NAA25: variants seen among roughly 807,000 people sequenced by gnomAD.
NAA25 encodes the protein N-terminal acetyltransferase B complex subunit NAA25.
In NAA25, 30 loss-of-function variants were observed where a neutral mutation model predicts 132.5. The ratio of observed to expected loss-of-function variants is 0.23; its 90% confidence interval spans 0.17 to 0.31. The LOEUF is 0.31. NAA25 is among the 10% of genes least tolerant of loss of function. The pLI, the probability that NAA25 is intolerant of heterozygous loss-of-function variation, is 1.00. For synonymous variants in NAA25, 359 were observed against 401.9 expected (o/e 0.89, Z 1.28); for missense variants, 771 against 1,150.4 (o/e 0.67, Z 4.77).
At chr12:112,107,090 T>C (rs1366149811) in intron 1 of NAA25, among the ~76,000 whole-genome samples, 1 of 151,230 alleles carries the variant, frequency 6.6e-6, no homozygotes, top group East Asian at 1.9e-4. Context: ...TAAACTCCTG[T>C]CTCTACTAAA....
At chr12:112,060,860 A>G (rs762309359) in intron 12 of NAA25, among the ~76,000 whole-genome samples, 5 of 152,202 alleles carry the variant, frequency 3.3e-5, no homozygotes, top group Admixed American at 3.3e-4. Flanking sequence ...GTTCACTTAC[A>G]GTCTATATAT....
At chr12:112,037,187 A>G (rs893308717) in intron 22 of NAA25, among the ~76,000 whole-genome samples, 1 of 150,896 alleles carries the variant, frequency 6.6e-6, no homozygotes, top group African/African-American at 2.4e-5. Context: ...GAGCATCCAA[A>G]TGAAAATTAT....
intron 7 of NAA25, 75 bp from the exon 8 acceptor site, chr12:112,075,864 A>G (rs1447745361): frequency 1.7e-6 from 2 of 1,170,870 alleles, no homozygotes; most frequent in East Asian, 2.4e-5. Flanking sequence ...TCCAACCACA[A>G]GAAGGAAAAT....
At chr12:112,099,421 T>C (rs537364151) in intron 1 of NAA25, among the ~76,000 whole-genome samples, 47 of 152,104 alleles carry the variant, frequency 3.1e-4, no homozygotes, top group Non-Finnish European at 5.6e-4. Context: ...ATACAAGTTT[T>C]CCACTCATAG....
intron 1 of NAA25, among the ~76,000 whole-genome samples, chr12:112,099,697 G>A (rs2079264481): frequency 1.3e-5 from 2 of 152,150 alleles, no homozygotes; most frequent in African/African-American, 4.8e-5. Flanking sequence ...CTGGACACAT[G>A]CAGGCCTGCT....
intron 7 of NAA25, 77 bp downstream of exon 7, chr12:112,078,111 G>A (rs1347203631): frequency 1.6e-5 from 17 of 1,030,752 alleles, no homozygotes; most frequent in Non-Finnish European, 2.5e-5. Flanking sequence ...ATCCTTATGT[G>A]GAAATTTTCT....
intron 1 of NAA25, among the ~76,000 whole-genome samples, chr12:112,093,919 A>T (rs1359301346): frequency 6.6e-6 from 1 of 152,038 alleles, no homozygotes. Context: ...ATTTTTTTCA[A>T]CAAATAAAAA....
intron 10 of NAA25, among the ~76,000 whole-genome samples, chr12:112,071,256 G>A (rs11066146): frequency 0.21 from 31,627 of 151,638 alleles, 5,150 homozygotes; most frequent in East Asian, 0.84. Context: ...CCTGAGCTCA[G>A]GTGTTCCGCC....
chr12:112,106,456 T>C (rs1234514669), intron 1 of NAA25, among the ~76,000 whole-genome samples: 4 of 151,988 alleles, frequency 2.6e-5, no homozygotes, highest in East Asian at 1.9e-4. Flanking sequence ...CTATGAACCC[T>C]GGATTCAGTT....
Position 112,029,613 on chromosome 12 carries a change from T to G in NAA25, c.2837A>C (p.Gln946Pro). 1 of 1,613,994 alleles carries G rather than the reference T, an allele frequency of 6.2e-7. No individual in the cohort carries two copies. Among genetic ancestry groups the G allele is most frequent in the Non-Finnish European group, 8.5e-7 (1 of 1,179,942 alleles). Reference protein sequence around the residue: ...KFSKTVQGKVQSSYLHSLLEM... With the variant: ...KFSKTVQGKVPSSYLHSLLEM... ...CAGAAGTGAGTGCAGATAACTGCTC[T>G]GCACCTTCCCTTGCACAGTCTTTGA... The change falls in exon 24 of 24, where the codon CAG (glutamine) becomes CCG (proline). Residue 946 changes from glutamine to proline, a missense_variant. By Grantham distance (76) the Gln-to-Pro change is moderately conservative. Around this residue, in one of 3 missense-constraint regions of NAA25, gnomAD observed 324 missense variants for 400.0 expected, o/e 0.81. Transcript: ENST00000261745.
intron 15 of NAA25, among the ~76,000 whole-genome samples, chr12:112,050,023 T>C (rs1049633710): frequency 1.4e-5 from 2 of 146,656 alleles, no homozygotes; most frequent in Non-Finnish European, 3.0e-5. Flanking sequence ...AATTTCTAAG[T>C]GGTCCGTGGA....
In NAA25 at chr12:112,068,887, C is replaced by A; in HGVS notation, c.1142G>T (p.Cys381Phe). The change falls in exon 11 of 24, where the codon TGT (cysteine) becomes TTT (phenylalanine). Residue 381 changes from cysteine to phenylalanine, a missense_variant. Coordinates refer to ENST00000261745, the MANE Select transcript of NAA25 (RefSeq NM_024953.4). ...AAACTGTATAGTACTTACTTTTGTACACTGTGTAGCAGGTAAGAGGTCAAC... is the reference window on the plus strand; with the variant it reads ...AAACTGTATAGTACTTACTTTTGTAAACTGTGTAGCAGGTAAGAGGTCAAC... The part of the protein sequence containing the change: ...VFVDLLPATQ[C>F]TKFINQLLGV... 1 of 1,593,198 alleles carries A rather than the reference C, an allele frequency of 6.3e-7. No individual in the cohort carries two copies. The highest frequency in any genetic ancestry group is 8.6e-7 in the Non-Finnish European group (1 of 1,165,010).
At chr12:112,070,147 TA>T (rs1386454200) in intron 10 of NAA25, among the ~76,000 whole-genome samples, 1 of 151,970 alleles carries the variant, frequency 6.6e-6, no homozygotes, top group African/African-American at 2.4e-5. Flanking sequence ...AATAATAAAA[TA>T]AAAACCTGTA....
chr12:112,036,349 T>C (rs377588514), intron 22 of NAA25, among the ~76,000 whole-genome samples: 9 of 152,348 alleles, frequency 5.9e-5, no homozygotes, highest in East Asian at 1.9e-4. Context: ...AGTTTGTTAT[T>C]GGAACTAGTA....
chr12:112,085,014 G>A (rs10850000), intron 4 of NAA25, among the ~76,000 whole-genome samples: 4 of 151,982 alleles, frequency 2.6e-5, no homozygotes, highest in Non-Finnish European at 4.4e-5. Context: ...GGTGGGTCAA[G>A]AGGTGAGGAG....
Position 112,090,796 on chromosome 12 carries a change from C to T in NAA25, c.213G>A (p.Val71=), listed in dbSNP as rs2079117465. The change falls in exon 3 of 24, where the codon GTG becomes GTA. Residue 71 remains valine (V), a synonymous_variant. Coordinates refer to ENST00000261745, the MANE Select transcript of NAA25 (RefSeq NM_024953.4). ...QEEAFTLAQE[V]AALEPTDDNS... is the part of the protein sequence containing the mutation. ...TGTCATCTGTGGGTTCAAGGGCTGCCACCTCCTGTGCAAGAGTAAAGGCTT... is the reference window on the plus strand; with the variant it reads ...TGTCATCTGTGGGTTCAAGGGCTGCTACCTCCTGTGCAAGAGTAAAGGCTT... 1 of 1,614,046 alleles carries T rather than the reference C, an allele frequency of 6.2e-7. No homozygotes were observed. Among genetic ancestry groups the T allele is most frequent in the Non-Finnish European group, 8.5e-7 (1 of 1,179,950 alleles).
chr12:112,037,013 A>T (rs772257840), intron 22 of NAA25, among the ~76,000 whole-genome samples: 2 of 151,948 alleles, frequency 1.3e-5, no homozygotes, highest in Non-Finnish European at 2.9e-5. Context: ...TTCATTCCCC[A>T]GAAAGGAACC....
chr12:112,030,974 T>C (rs2078142004), intron 23 of NAA25, among the ~76,000 whole-genome samples: 1 of 151,588 alleles, frequency 6.6e-6, no homozygotes, highest in Non-Finnish European at 1.5e-5. Context: ...GAGGCAGGAC[T>C]CACTAAGTGA....
chr12:112,066,550 A>G (rs916535066), intron 11 of NAA25, among the ~76,000 whole-genome samples: 1 of 152,202 alleles, frequency 6.6e-6, no homozygotes, highest in Non-Finnish European at 1.5e-5. Flanking sequence ...AGTGAACGGC[A>G]ATATCACTCT....
Sources: allele counts gnomAD v4.1 joint callset (sites outside exome capture counted in the v4.1 genomes callset), GRCh38; gene constraint gnomAD v4.1.1; regional missense constraint gnomAD v4.1.1; transcripts MANE v1.5; gene names NCBI Gene and HGNC (gene_info 2026-07-23, HGNC 2026-07-21).